Variants in SEZ6L observed in about 807,000 individuals in gnomAD.
The protein encoded by SEZ6L is seizure 6-like protein.
SEZ6L carries 37 observed loss-of-function variants against 106.2 expected under a neutral mutation model. That is an observed-to-expected ratio of 0.35 (90% CI 0.27 to 0.46). SEZ6L has a LOEUF of 0.46. Ranked by LOEUF, SEZ6L falls within the 20% of genes least tolerant of loss-of-function variation. SEZ6L has a pLI of 1.00. For synonymous variants in SEZ6L, 541 were observed against 570.4 expected (o/e 0.95, Z 0.73); for missense variants, 1,172 against 1,332.8 (o/e 0.88, Z 1.88).
intron 2 of SEZ6L, among the ~76,000 whole-genome samples, chr22:26,294,019 A>G (rs1426851966): frequency 6.6e-6 from 1 of 152,126 alleles, no homozygotes; most frequent in East Asian, 1.9e-4. Context: ...TAAACTGGGG[A>G]TGAAATATTA....
chr22:26,318,294 A>G (rs537828799), intron 9 of SEZ6L, among the ~76,000 whole-genome samples: 1 of 151,982 alleles, frequency 6.6e-6, no homozygotes, highest in South Asian at 2.1e-4. Flanking sequence ...GGCTAGTCTC[A>G]AACTCTTGAC....
At chr22:26,172,577 A>T (rs112974744) in intron 1 of SEZ6L, among the ~76,000 whole-genome samples, 1 of 152,134 alleles carries the variant, frequency 6.6e-6, no homozygotes, top group Non-Finnish European at 1.5e-5. Context: ...GCAGACCTCC[A>T]CTAGGGGCGC....
intron 15 of SEZ6L, among the ~76,000 whole-genome samples, chr22:26,376,742 C>A (rs1220664083): frequency 6.6e-6 from 1 of 151,982 alleles, no homozygotes; most frequent in Non-Finnish European, 1.5e-5. Context: ...AAGCAAGACT[C>A]CATTTCAAAA....
intron 1 of SEZ6L, among the ~76,000 whole-genome samples, chr22:26,210,124 T>C (rs965578854): frequency 3.3e-5 from 5 of 152,172 alleles, no homozygotes; most frequent in Admixed American, 6.5e-5. Flanking sequence ...TGACACTTAG[T>C]CCAACCACCT....
chr22:26,237,381 T>C (rs1232822669), intron 1 of SEZ6L, among the ~76,000 whole-genome samples: 1 of 152,144 alleles, frequency 6.6e-6, no homozygotes, highest in African/African-American at 2.4e-5. Flanking sequence ...CCCAATAAAA[T>C]GTTTGCATGT....
chr22:26,380,220 T>C (rs1168010124), intron 16 of SEZ6L, 46 bp from the exon 17 acceptor site: 1 of 1,601,790 alleles, frequency 6.2e-7, no homozygotes, highest in Non-Finnish European at 8.6e-7. Context: ...TGTATATCAC[T>C]CTACCACACA....
At chr22:26,319,085 A>G (rs2082083306) in intron 9 of SEZ6L, among the ~76,000 whole-genome samples, 1 of 152,156 alleles carries the variant, frequency 6.6e-6, no homozygotes, top group African/African-American at 2.4e-5. Context: ...ACAAGCCCGT[A>G]TGAGCCTGCC....
intron 6 of SEZ6L, among the ~76,000 whole-genome samples, 184 bp from the exon 7 acceptor site, chr22:26,310,486 A>G (rs1389143269): frequency 6.6e-6 from 1 of 152,184 alleles, no homozygotes; most frequent in African/African-American, 2.4e-5. Flanking sequence ...CAGTGAGCCA[A>G]GATCGCACCA....
intron 8 of SEZ6L, among the ~76,000 whole-genome samples, chr22:26,312,344 A>G (rs933486540): frequency 7.9e-5 from 12 of 152,258 alleles, no homozygotes; most frequent in Admixed American, 2.6e-4. Flanking sequence ...TTATGCTACC[A>G]GCACTTTGCT....
chr22:26,315,234 C>A (rs1212416686), intron 9 of SEZ6L, among the ~76,000 whole-genome samples: 1 of 152,210 alleles, frequency 6.6e-6, no homozygotes, highest in Non-Finnish European at 1.5e-5. Flanking sequence ...AACCCCAACA[C>A]TTCGGGAGGT....
intron 1 of SEZ6L, among the ~76,000 whole-genome samples, chr22:26,215,276 G>A (rs2078269089): frequency 1.3e-5 from 2 of 152,134 alleles, no homozygotes; most frequent in African/African-American, 4.8e-5. Flanking sequence ...TGTTACACAG[G>A]TGTTACATGC....
intron 1 of SEZ6L, among the ~76,000 whole-genome samples, chr22:26,245,567 G>A (rs1276136888): frequency 6.6e-6 from 1 of 152,144 alleles, no homozygotes. Context: ...GTGATGACTT[G>A]CAATATTGTT....
At chr22:26,260,580 T>C (rs1047087844) in intron 1 of SEZ6L, among the ~76,000 whole-genome samples, 5 of 152,168 alleles carry the variant, frequency 3.3e-5, no homozygotes, top group African/African-American at 7.2e-5. Flanking sequence ...GGCATAGATA[T>C]AGACATTATA....
intron 7 of SEZ6L, 100 bp downstream of exon 7, chr22:26,310,936 G>A (rs1189167042): frequency 3.3e-6 from 4 of 1,220,616 alleles, no homozygotes; most frequent in South Asian, 2.8e-5. Context: ...CGAAGGATGT[G>A]GGAAATCCCA....
intron 1 of SEZ6L, among the ~76,000 whole-genome samples, chr22:26,212,264 G>T (rs1602048958): frequency 1.3e-5 from 2 of 152,046 alleles, no homozygotes; most frequent in African/African-American, 4.8e-5. Flanking sequence ...AGAATGTAAA[G>T]GTTTTACAGT....
intron 1 of SEZ6L, among the ~76,000 whole-genome samples, chr22:26,255,269 C>T (rs1009746473): frequency 6.6e-6 from 1 of 152,194 alleles, no homozygotes; most frequent in South Asian, 2.1e-4. Context: ...GCCCAGGCAT[C>T]TGCATTTACA....
chr22:26,269,293 T>TCCTGCCTCC (rs914497375), intron 1 of SEZ6L, among the ~76,000 whole-genome samples: 5 of 152,176 alleles, frequency 3.3e-5, no homozygotes, highest in African/African-American at 1.2e-4. Flanking sequence ...ATCTGCCTTT[T>TCCTGCCTCC]AAAAATCATC....
chr22:26,212,356 G>A (rs1204049028), intron 1 of SEZ6L, among the ~76,000 whole-genome samples: 1 of 152,182 alleles, frequency 6.6e-6, no homozygotes, highest in Non-Finnish European at 1.5e-5. Flanking sequence ...TGGAATAAAA[G>A]ATTCTATAGC....
intron 1 of SEZ6L, among the ~76,000 whole-genome samples, chr22:26,281,109 A>T (rs1387284728): frequency 6.6e-6 from 1 of 152,220 alleles, no homozygotes; most frequent in African/African-American, 2.4e-5. Flanking sequence ...AGGCTGTTGG[A>T]TAAGGAGGGC....
Sources: allele counts gnomAD v4.1 joint callset (sites outside exome capture counted in the v4.1 genomes callset), GRCh38; gene constraint gnomAD v4.1.1; transcripts MANE v1.5; gene names NCBI Gene and HGNC (gene_info 2026-07-23, HGNC 2026-07-21).